PITPNC1: variants seen among roughly 807,000 people sequenced by gnomAD.
The protein encoded by PITPNC1 is cytoplasmic phosphatidylinositol transfer protein 1.
In PITPNC1, 18 loss-of-function variants were observed where a neutral mutation model predicts 44.7. The observed-to-expected ratio is 0.40, with a 90% CI of 0.28 to 0.60. The LOEUF (loss-of-function observed/expected upper bound fraction) is 0.60, where lower values mean the gene tolerates loss of function less well. Ranked by LOEUF, PITPNC1 falls within the 20% of genes least tolerant of loss-of-function variation. PITPNC1 has a pLI of 0.39. For synonymous variants in PITPNC1, 141 were observed against 149.6 expected (o/e 0.94, Z 0.42); for missense variants, 290 against 418.4 (o/e 0.69, Z 2.68).
chr17:67,599,034 A>ATATATATATATATATATATAT (rs1461493250), intron 5 of PITPNC1, among the ~76,000 whole-genome samples: 5 of 35,676 alleles, frequency 1.4e-4, no homozygotes, highest in East Asian at 9.2e-4. Context: ...ATATATATAT[A>ATATATATATATATATATATAT]TTTTTTTTTT....
At chr17:67,535,254 T>A (rs557796478) in intron 2 of PITPNC1, among the ~76,000 whole-genome samples, 1 of 152,356 alleles carries the variant, frequency 6.6e-6, no homozygotes, top group Non-Finnish European at 1.5e-5. Flanking sequence ...ATGGCTTTTT[T>A]ACAGAGACAG....
chr17:67,388,343 T>C (rs4791291), intron 1 of PITPNC1, among the ~76,000 whole-genome samples: 8,186 of 150,516 alleles, frequency 0.054, 261 homozygotes, highest in Middle Eastern at 0.14. Flanking sequence ...TTTTTTTTTT[T>C]CCCTTGGAGT....
At chr17:67,518,151 G>A (rs1479913867) in intron 1 of PITPNC1, among the ~76,000 whole-genome samples, 2 of 152,094 alleles carry the variant, frequency 1.3e-5, no homozygotes, top group African/African-American at 2.4e-5. Flanking sequence ...ATTCCTGGAT[G>A]GGCCATCAAA....
chr17:67,517,047 C>T (rs4791285), intron 1 of PITPNC1, among the ~76,000 whole-genome samples: 104,370 of 152,088 alleles, frequency 0.69, 36,029 homozygotes, highest in East Asian at 0.77. Context: ...CATTTGGACA[C>T]GATGTCTTAG....
chr17:67,602,522 G>A (rs2041553941), intron 5 of PITPNC1, among the ~76,000 whole-genome samples: 1 of 152,162 alleles, frequency 6.6e-6, no homozygotes, highest in Non-Finnish European at 1.5e-5. Flanking sequence ...TGCCCATGTG[G>A]ACACTGAAAT....
rs186786025 is a variant in PITPNC1 at position 67,527,337 on chromosome 17, C to T, written c.49-5465C>T. ...TGACATCTAGAAACTCTGTAACATA[C>T]AGTCTTCAACCTGTCTGCAACTCAG... is the stretch of plus-strand genomic sequence containing the variant. On this transcript the variant is annotated intron_variant, in intron 1 of 8. Transcript: ENST00000581322. 7.9e-5 allele frequency among the ~76,000 whole-genome samples: 12 copies of T among 152,292 alleles called. No individual in the cohort carries two copies. The South Asian group carries it at 1.2e-3, about 16-fold the overall frequency.
chr17:67,486,978 A>G (rs920102595), intron 1 of PITPNC1, among the ~76,000 whole-genome samples: 2 of 151,580 alleles, frequency 1.3e-5, no homozygotes, highest in African/African-American at 4.8e-5. Context: ...GGTTGCAGTG[A>G]GCTGAGACTG....
At chr17:67,690,448 CAA>C (rs58085156) in intron 8 of PITPNC1, among the ~76,000 whole-genome samples, 9 of 113,364 alleles carry the variant, frequency 7.9e-5, no homozygotes, top group Admixed American at 9.1e-5. Flanking sequence ...AACTCTGTCT[CAA>C]AAAAAAAAAA....
At chr17:67,505,649 T>C (rs537512105) in intron 1 of PITPNC1, among the ~76,000 whole-genome samples, 5 of 151,998 alleles carry the variant, frequency 3.3e-5, no homozygotes, top group South Asian at 2.1e-4. Flanking sequence ...TAGTTGGGTC[T>C]TTTTTTTAGT....
chr17:67,495,088 G>C (rs1199985248), intron 1 of PITPNC1, among the ~76,000 whole-genome samples: 1 of 96,318 alleles, frequency 1.0e-5, no homozygotes, highest in African/African-American at 3.7e-5. Context: ...ACGGAGTCTG[G>C]CTCTGTCGCC....
intron 6 of PITPNC1, among the ~76,000 whole-genome samples, chr17:67,651,323 G>A (rs1473861129): frequency 6.6e-6 from 1 of 152,084 alleles, no homozygotes; most frequent in Non-Finnish European, 1.5e-5. Context: ...GACCAGCCTG[G>A]CCAACATGGC....
intron 4 of PITPNC1, among the ~76,000 whole-genome samples, chr17:67,557,452 C>T (rs2040853467): frequency 6.6e-6 from 1 of 152,100 alleles, no homozygotes; most frequent in Admixed American, 6.5e-5. Context: ...GAGGGCAGGT[C>T]GTGGTGTTTT....
chr17:67,490,288 C>G (rs1261779444), intron 1 of PITPNC1, among the ~76,000 whole-genome samples: 1 of 151,898 alleles, frequency 6.6e-6, no homozygotes, highest in Non-Finnish European at 1.5e-5. Flanking sequence ...GTGTTATTAT[C>G]TAACCAGGGA....
intron 1 of PITPNC1, among the ~76,000 whole-genome samples, chr17:67,431,587 T>C (rs1371539674): frequency 6.6e-6 from 1 of 152,202 alleles, no homozygotes; most frequent in South Asian, 2.1e-4. Flanking sequence ...AGTGGAATAC[T>C]AAGAATAAGA....
intron 1 of PITPNC1, among the ~76,000 whole-genome samples, chr17:67,482,904 G>A (rs1858841329): frequency 6.6e-6 from 1 of 152,158 alleles, no homozygotes; most frequent in South Asian, 2.1e-4. Flanking sequence ...AGTTGCTGGG[G>A]TCACCTAGCT....
chr17:67,456,553 A>G (rs998118371), intron 1 of PITPNC1, among the ~76,000 whole-genome samples: 1 of 151,642 alleles, frequency 6.6e-6, no homozygotes, highest in African/African-American at 2.4e-5. Context: ...TTTTCTCTCT[A>G]CTAGCTTTGT....
intron 1 of PITPNC1, among the ~76,000 whole-genome samples, chr17:67,403,056 C>T (rs796319598): frequency 5.3e-5 from 8 of 152,066 alleles, no homozygotes; most frequent in African/African-American, 1.4e-4. Flanking sequence ...GCCTTTGTGT[C>T]TTTCTCTAAG....
At chr17:67,668,627 G>A (rs1023640425) in intron 6 of PITPNC1, among the ~76,000 whole-genome samples, 2 of 152,148 alleles carry the variant, frequency 1.3e-5, no homozygotes, top group Non-Finnish European at 2.9e-5. Context: ...ACTTTGGGAG[G>A]CCGAGGCGGG....
chr17:67,558,369 A>G (rs1046697526), intron 4 of PITPNC1, among the ~76,000 whole-genome samples: 1 of 152,146 alleles, frequency 6.6e-6, no homozygotes, highest in African/African-American at 2.4e-5. Context: ...AGTTCTTCCA[A>G]ACTGGTGGGT....
Sources: gnomAD v4.1 joint callset for allele counts (sites outside exome capture counted in the v4.1 genomes callset) on GRCh38, gnomAD v4.1.1 for gene constraint, MANE v1.5 for transcripts, NCBI Gene and HGNC (gene_info 2026-07-23, HGNC 2026-07-21) for gene names.